The following UBE2F variants were observed in gnomAD, a reference collection of about 807,000 sequenced individuals.
UBE2F encodes NEDD8-conjugating enzyme UBE2F.
A neutral mutation model predicts 29.6 loss-of-function variants in UBE2F; 5 were observed. The ratio of observed to expected loss-of-function variants is 0.17; its 90% CI spans 0.09 to 0.36. The LOEUF is 0.36. Ranked by LOEUF, UBE2F falls within the 10% of genes least tolerant of loss-of-function variation. The pLI, the probability that UBE2F is intolerant of heterozygous loss-of-function variation, is 1.00. For missense variants in UBE2F, 141 were observed against 228.5 expected (o/e 0.62, Z 2.47); for synonymous variants, 66 against 81.8 (o/e 0.81, Z 1.04).
chr2:237,985,369 C>G (rs954438286), intron 2 of UBE2F, among the ~76,000 whole-genome samples: 1 of 151,908 alleles, frequency 6.6e-6, no homozygotes, highest in Admixed American at 6.6e-5. Context: ...CATTCTGCCC[C>G]CTTCCCCACT....
At chr2:238,015,198 A>G (rs887695228) in intron 4 of UBE2F, among the ~76,000 whole-genome samples, 2 of 152,230 alleles carry the variant, frequency 1.3e-5, no homozygotes, top group Admixed American at 6.5e-5. Flanking sequence ...AACCCTAAAG[A>G]AAGATTAGCT....
intron 9 of UBE2F, among the ~76,000 whole-genome samples, chr2:238,037,112 A>T (rs1351080333): frequency 6.6e-6 from 1 of 152,062 alleles, no homozygotes; most frequent in Non-Finnish European, 1.5e-5. Context: ...CACTTCTAAA[A>T]ATTTTTTTCC....
chr2:237,974,521 T>G (rs866369876), intron 2 of UBE2F, among the ~76,000 whole-genome samples: 16 of 143,242 alleles, frequency 1.1e-4, no homozygotes, highest in Middle Eastern at 3.8e-3. Context: ...TTTTGTTTTT[T>G]TTTTTTTTTT....
Position 238,040,428 on chromosome 2 carries a change from T to C in UBE2F, c.508-860T>C, listed in dbSNP as rs947407237. On this transcript the variant is annotated intron_variant, in intron 9 of 9. Transcript: ENST00000272930. The surrounding 1 kb of genome is among the most constrained non-coding windows in gnomAD (Gnocchi z 4.4). ...CTAAGGAAATGGAGCTCATGCCCAC[T>C]AAGAACTATGGTAACTGTGCTGTGT... 1.3e-5 allele frequency among the ~76,000 whole-genome samples: 2 copies of C among 152,194 alleles called. No individual in the cohort carries two copies. Among genetic ancestry groups the C allele is most frequent in the African/African-American group, 4.8e-5 (2 of 41,458 alleles).
At chr2:237,983,538 C>G (rs2063419364) in intron 2 of UBE2F, among the ~76,000 whole-genome samples, 1 of 152,166 alleles carries the variant, frequency 6.6e-6, no homozygotes, top group South Asian at 2.1e-4. Flanking sequence ...CTCCTGAACC[C>G]TGAGCCTCAG....
intron 2 of UBE2F, among the ~76,000 whole-genome samples, chr2:237,984,113 C>T (rs1298354543): frequency 1.3e-5 from 2 of 151,700 alleles, no homozygotes; most frequent in Non-Finnish European, 2.9e-5. Flanking sequence ...TCTCTCGTGG[C>T]TTTCTGGCAC....
chr2:238,001,182 T>G (rs2063786117), intron 4 of UBE2F, among the ~76,000 whole-genome samples: 1 of 151,888 alleles, frequency 6.6e-6, no homozygotes, highest in Admixed American at 6.6e-5. Context: ...TACAGGCATG[T>G]GCCACCACGC....
intron 1 of UBE2F, among the ~76,000 whole-genome samples, chr2:237,971,197 A>G (rs1446684153): frequency 6.6e-6 from 1 of 152,238 alleles, no homozygotes; most frequent in Non-Finnish European, 1.5e-5. Flanking sequence ...TTCTGTGCTT[A>G]GGTCAAGCTT....
chr2:238,007,193 C>CAG (rs2063926337), intron 4 of UBE2F, among the ~76,000 whole-genome samples: 2 of 152,192 alleles, frequency 1.3e-5, no homozygotes, highest in African/African-American at 2.4e-5. Flanking sequence ...GTGATCTCAG[C>CAG]TCACTGCATT....
intron 4 of UBE2F, among the ~76,000 whole-genome samples, chr2:238,015,193 TA>T (rs1421375047): frequency 6.6e-6 from 1 of 152,184 alleles, no homozygotes; most frequent in East Asian, 1.9e-4. Context: ...ACAGAAACCC[TA>T]AAGAAAGATT....
At chr2:238,003,416 C>T in intron 4 of UBE2F, 1 of 470,744 alleles carries the variant, frequency 2.1e-6, no homozygotes, top group Non-Finnish European at 4.4e-6. Context: ...ACTGAGTAGG[C>T]CACCCCATCA....
At chr2:238,006,559 G>A (rs1186438119) in intron 4 of UBE2F, among the ~76,000 whole-genome samples, 1 of 152,088 alleles carries the variant, frequency 6.6e-6, no homozygotes, top group African/African-American at 2.4e-5. Context: ...TTTCATTGTA[G>A]TAGTTGTATT....
rs1197602095 is a variant in UBE2F at position 238,040,475 on chromosome 2, A to C, written c.508-813A>C. On this transcript the variant is annotated intron_variant, in intron 9 of 9. Transcript: ENST00000272930. The surrounding 1 kb of genome is among the most constrained non-coding windows in gnomAD (Gnocchi z 4.4). The stretch of plus-strand genomic sequence containing the variant: ...GTGTTCCCTGGGCAGTGGGGGCTGC[A>C]TGGCATTGATGGGACCGAAGCAGTG... 6.6e-6 allele frequency among the ~76,000 whole-genome samples: 1 copy of C among 152,180 alleles called. No homozygotes were observed. Among genetic ancestry groups the C allele is most frequent in the Non-Finnish European group, 1.5e-5 (1 of 68,032 alleles).
At chr2:237,984,694 C>G (rs906032758) in intron 2 of UBE2F, among the ~76,000 whole-genome samples, 1 of 152,166 alleles carries the variant, frequency 6.6e-6, no homozygotes, top group Non-Finnish European at 1.5e-5. Context: ...GTACCCTTCC[C>G]CATGCCCTGC....
chr2:238,028,668 G>A (rs988979775), intron 6 of UBE2F, among the ~76,000 whole-genome samples: 2 of 152,064 alleles, frequency 1.3e-5, no homozygotes, highest in African/African-American at 2.4e-5. Context: ...GTCAATTTAA[G>A]GTTAGTTATC....
chr2:238,025,349 A>G lies in UBE2F; in HGVS notation c.290A>G (p.Lys97Arg), dbSNP rs1239244812. Residue 97 changes from lysine to arginine, a missense_variant, in exon 6 of 10, where the codon AAA becomes AGA. Lys to Arg is a conservative substitution (Grantham distance 26). Transcript: ENST00000272930. ...VPDAYNMVPP[K>R]VKCLTKIWHP... ...ATTGTCTCTGTGTTGCAGCCTCCCA[A>G]AGTGAAATGCCTGACCAAGATCTGG... The G allele has an allele frequency of 5.0e-6, 8 of 1,613,984 alleles. No individual in the cohort carries two copies. The highest frequency in any genetic ancestry group is 1.6e-4 in the Middle Eastern group (1 of 6,062).
intron 5 of UBE2F, among the ~76,000 whole-genome samples, chr2:238,021,140 T>A (rs528300873): frequency 2.2e-4 from 34 of 152,298 alleles, no homozygotes; most frequent in Non-Finnish European, 4.3e-4. Flanking sequence ...TGTTCTTGGC[T>A]CTGGTTTCCT....
intron 2 of UBE2F, among the ~76,000 whole-genome samples, chr2:237,980,183 G>A (rs536783384): frequency 6.6e-6 from 1 of 152,372 alleles, no homozygotes; most frequent in African/African-American, 2.4e-5. Flanking sequence ...AGGTTGAAGG[G>A]CTCAGCAGCT....
Position 238,034,863 on chromosome 2 carries a change from T to A in UBE2F, c.445-1015T>A, listed in dbSNP as rs528238198. Among the ~76,000 whole-genome samples the A allele has an allele frequency of 2.0e-5, 3 of 152,232 alleles. No individual in the cohort carries two copies. In the East Asian group the frequency reaches 5.8e-4, roughly 29 times the overall value. On this transcript the variant is annotated intron_variant, in intron 8 of 9. Transcript: ENST00000272930. ...TGCGTTGGAAAGCCATGACTCATCA[T>A]AAGGACAAATTGAGGCCCCCTGATT...
Sources: allele counts gnomAD v4.1 joint callset (sites outside exome capture counted in the v4.1 genomes callset), GRCh38; gene constraint gnomAD v4.1.1; non-coding constraint Gnocchi (gnomAD v3.1); transcripts MANE v1.5; gene names NCBI Gene and HGNC (gene_info 2026-07-23, HGNC 2026-07-21).